SLC6A9: variants seen among roughly 807,000 people sequenced by gnomAD.
SLC6A9 encodes sodium- and chloride-dependent glycine transporter 1.
Under a neutral mutation model 70.9 loss-of-function variants are expected in SLC6A9, and 31 were observed. The ratio of observed to expected loss-of-function variants is 0.44; its 90% CI spans 0.33 to 0.59. SLC6A9 has a LOEUF of 0.59. Among genes scored for constraint, SLC6A9 ranks in the 20% least tolerant of loss-of-function variants. The pLI, the probability that SLC6A9 is intolerant of heterozygous loss-of-function variation, is 0.04. For synonymous variants in SLC6A9, 310 were observed against 341.3 expected (o/e 0.91, Z 1.01); for missense variants, 631 against 845.2 (o/e 0.75, Z 3.14).
intron 1 of SLC6A9, among the ~76,000 whole-genome samples, chr1:44,028,051 A>G (rs1380516675): frequency 6.6e-6 from 1 of 152,216 alleles, no homozygotes; most frequent in East Asian, 1.9e-4. Context: ...GAGACTCTAC[A>G]ATAGGGGGGC....
intron 3 of SLC6A9, chr1:44,010,414 G>C (rs2086504218): frequency 4.8e-6 from 2 of 420,558 alleles, no homozygotes; most frequent in Non-Finnish European, 8.7e-6. Flanking sequence ...CCATTTAGGG[G>C]GGCTGCTGAA....
Position 44,001,530 on chromosome 1 carries a change from C to A in SLC6A9, c.1060G>T (p.Val354Leu), listed in dbSNP as rs201591202. The change falls in exon 9 of 14, where the codon GTG becomes TTG. Residue 354 changes from valine to leucine, a missense_variant. Val to Leu is a conservative substitution (Grantham distance 32). Coordinates refer to ENST00000372310, the MANE Select transcript of SLC6A9 (RefSeq NM_001024845.3). ...ILGFMANHLG[V>L]DVSRVADHGP... ...TGGTCTGCCACACGGGACACATCCA[C>A]GCCCAGGTGATTGGCCATGAAGCCG... 4 of 1,614,246 alleles carry A rather than the reference C, an allele frequency of 2.5e-6. No individual in the cohort carries two copies. The highest frequency in any genetic ancestry group is 2.2e-5 in the East Asian group (1 of 44,890).
Position 43,997,536 on chromosome 1 carries a change from C to T in SLC6A9, c.*9G>A. The stretch of plus-strand genomic sequence containing the variant: ...GGTGGGGGTGGGGCCACTCCCCTGG[C>T]AGCTGTGCTCATATCCGGGAGTCCT... On this transcript the variant is annotated 3_prime_UTR_variant, in exon 14 of 14. Transcript: ENST00000372310. This position sits in a 1 kb window ranked among gnomAD's most constrained non-coding sequence, Gnocchi z 4.4. 1 of 1,611,998 alleles carries T rather than the reference C, an allele frequency of 6.2e-7. No individual in the cohort carries two copies. The highest frequency in any genetic ancestry group is 8.5e-7 in the Non-Finnish European group (1 of 1,179,014).
chr1:44,002,647 C>G lies in SLC6A9; in HGVS notation c.724-1G>C. On this transcript the variant is annotated splice_acceptor_variant, in intron 6 of 13. Coordinates refer to ENST00000372310, the MANE Select transcript of SLC6A9 (RefSeq NM_001024845.3). LOFTEE classifies it high-confidence loss of function. This position sits in a 1 kb window ranked among gnomAD's most constrained non-coding sequence, Gnocchi z 5.5. ...GGAACGTGGCCGTGAAGTACACCACCTGGCACAAGAGGGCTCCATGGACTC... is the reference window on the plus strand; with the variant it reads ...GGAACGTGGCCGTGAAGTACACCACGTGGCACAAGAGGGCTCCATGGACTC... 1 of 1,614,116 alleles carries G rather than the reference C, an allele frequency of 6.2e-7. No homozygotes were observed. The highest frequency in any genetic ancestry group is 8.5e-7 in the Non-Finnish European group (1 of 1,179,978).
At chr1:44,014,137 T>A (rs2086663780) in intron 2 of SLC6A9, among the ~76,000 whole-genome samples, 1 of 151,904 alleles carries the variant, frequency 6.6e-6, no homozygotes, top group African/African-American at 2.4e-5. Context: ...CACCACCATC[T>A]GCCCCCCTCT....
chr1:44,012,811 G>T (rs985222861), intron 2 of SLC6A9, among the ~76,000 whole-genome samples: 14 of 152,180 alleles, frequency 9.2e-5, no homozygotes, highest in Non-Finnish European at 1.8e-4. Flanking sequence ...GCTTGGCCCT[G>T]GTAGAGGGTG....
chr1:43,998,982 A>AGGGGG (rs66857635), intron 12 of SLC6A9, among the ~76,000 whole-genome samples: 4 of 134,578 alleles, frequency 3.0e-5, no homozygotes, highest in African/African-American at 8.3e-5. Flanking sequence ...TGGCGGGGGA[A>AGGGGG]GGGGGGGGGC....
intron 2 of SLC6A9, chr1:44,015,905 C>T (rs2086725261): frequency 1.0e-6 from 1 of 984,804 alleles, no homozygotes; most frequent in Admixed American, 6.1e-5. Context: ...ATTCATGCCT[C>T]CTGCCTCAAG....
Position 43,997,475 on chromosome 1 carries a change from G to A in SLC6A9, c.*70C>T. 1 of 1,412,828 alleles carries A rather than the reference G, an allele frequency of 7.1e-7. No homozygotes were observed. The highest frequency in any genetic ancestry group is 9.9e-7 in the Non-Finnish European group (1 of 1,009,796). 87.5% of individuals were successfully genotyped at this position (1,412,828 alleles called of 1,614,324 possible). On this transcript the variant is annotated 3_prime_UTR_variant, in exon 14 of 14. Transcript: ENST00000372310. This position sits in a 1 kb window ranked among gnomAD's most constrained non-coding sequence, Gnocchi z 4.4. Reference sequence around the variant, plus strand: ...GGCAGGGGGCAGGCAGAGACACCTGGCCTCTGCCTCACCAGTCTCTGCGGT... The same window carrying A: ...GGCAGGGGGCAGGCAGAGACACCTGACCTCTGCCTCACCAGTCTCTGCGGT...
chr1:44,023,113 C>G (rs887246697), intron 2 of SLC6A9, among the ~76,000 whole-genome samples: 1 of 152,128 alleles, frequency 6.6e-6, no homozygotes, highest in Non-Finnish European at 1.5e-5. Flanking sequence ...GACTCTTTCA[C>G]TAAATGAGAA....
intron 3 of SLC6A9, 166 bp from the exon 4 acceptor site, chr1:44,010,262 G>A (rs1008441048): frequency 1.1e-5 from 7 of 630,222 alleles, no homozygotes; most frequent in Non-Finnish European, 1.9e-5. Flanking sequence ...CCCCCAGCCT[G>A]TCTTTCAACT....
intron 5 of SLC6A9, 97 bp from the exon 6 acceptor site, chr1:44,003,082 C>T: frequency 7.0e-7 from 1 of 1,423,436 alleles, no homozygotes; most frequent in Non-Finnish European, 9.7e-7. Flanking sequence ...CCTCCTTTGT[C>T]ATGAGGTCCC....
At chr1:44,006,709 G>C (rs2086331206) in intron 5 of SLC6A9, among the ~76,000 whole-genome samples, 1 of 151,928 alleles carries the variant, frequency 6.6e-6, no homozygotes, top group Admixed American at 6.6e-5. Flanking sequence ...GAAATGACCT[G>C]TCTGGTAACT....
intron 2 of SLC6A9, among the ~76,000 whole-genome samples, chr1:44,019,889 AGGGCTGCAGGGAGGCTGTGTGGGAGGCC>A (rs2154307145): frequency 1.0e-5 from 1 of 100,132 alleles, no homozygotes; most frequent in Admixed American, 1.1e-4. Flanking sequence ...GGGATGGGGG[AGGGCTGCAGGGAGGCTGTGTGGGAGGCC>A]GGGCTACAGG....
At chr1:44,027,447 A>G (rs2087002214) in intron 1 of SLC6A9, among the ~76,000 whole-genome samples, 1 of 152,166 alleles carries the variant, frequency 6.6e-6, no homozygotes, top group Non-Finnish European at 1.5e-5. Flanking sequence ...TAATCTTCCC[A>G]AAGCCCTAAA....
intron 1 of SLC6A9, among the ~76,000 whole-genome samples, chr1:44,029,092 G>T (rs574545631): frequency 1.0e-3 from 154 of 152,328 alleles, no homozygotes; most frequent in African/African-American, 3.6e-3. Context: ...GGACAAGCTG[G>T]TCTGAGCTGC....
chr1:44,028,035 T>A (rs1247670215), intron 1 of SLC6A9, among the ~76,000 whole-genome samples: 3 of 152,096 alleles, frequency 2.0e-5, no homozygotes, highest in Admixed American at 6.6e-5. Flanking sequence ...ACAAAGATTG[T>A]GTTATGAGAC....
intron 4 of SLC6A9, among the ~76,000 whole-genome samples, chr1:44,009,466 G>A (rs1454234372): frequency 2.0e-5 from 3 of 152,106 alleles, no homozygotes; most frequent in South Asian, 2.1e-4. Context: ...CTTGTGATCC[G>A]CCTGCCTTGG....
chr1:44,011,367 G>C (rs928561700), intron 2 of SLC6A9, among the ~76,000 whole-genome samples: 12 of 152,090 alleles, frequency 7.9e-5, no homozygotes, highest in African/African-American at 2.7e-4. Context: ...AGGCGACTGC[G>C]GGGGAGGGGA....
Sources: gnomAD v4.1 joint callset for allele counts (sites outside exome capture counted in the v4.1 genomes callset) on GRCh38, gnomAD v4.1.1 for gene constraint, Gnocchi (gnomAD v3.1) non-coding constraint, MANE v1.5 for transcripts, NCBI Gene and HGNC (gene_info 2026-07-23, HGNC 2026-07-21) for gene names.